Variants in CNTNAP2 observed in about 807,000 individuals in gnomAD.
The protein encoded by CNTNAP2 is contactin-associated protein-like 2.
In CNTNAP2, 98 loss-of-function variants were observed where a neutral mutation model predicts 155.2. The ratio of observed to expected loss-of-function variants is 0.63; its 90% CI spans 0.54 to 0.75. The LOEUF (loss-of-function observed/expected upper bound fraction) is 0.75. CNTNAP2 is among the 30% of genes least tolerant of loss of function. The pLI, the probability that CNTNAP2 is intolerant of heterozygous loss-of-function variation, is 0.00. For missense variants in CNTNAP2, 1,727 were observed against 1,688.1 expected (o/e 1.02, Z -0.40); for synonymous variants, 651 against 631.2 (o/e 1.03, Z -0.47).
Position 148,106,054 on chromosome 7 carries a change from C to T in CNTNAP2, c.2384-12064C>T, listed in dbSNP as rs184080323. On this transcript the variant is annotated intron_variant, in intron 15 of 23. Transcript: ENST00000361727. Reference sequence around the variant, plus strand: ...TGGAGAGGAGGAGACACAGCACAGACTATTTAGAAGGTGTGGCTATCAGGC... The same window carrying T: ...TGGAGAGGAGGAGACACAGCACAGATTATTTAGAAGGTGTGGCTATCAGGC... 3.0e-4 allele frequency among the ~76,000 whole-genome samples: 46 copies of T among 152,304 alleles called. 2 individuals are homozygous for T. The Middle Eastern group carries it at 0.01, about 34-fold the overall frequency.
chr7:147,916,813 GTTTA>G (rs1187782878), intron 14 of CNTNAP2, among the ~76,000 whole-genome samples: 3 of 152,082 alleles, frequency 2.0e-5, no homozygotes, highest in Non-Finnish European at 4.4e-5. Context: ...GGACCTATCT[GTTTA>G]TTTATTCTGT....
Position 147,355,494 on chromosome 7 carries a change from A to C in CNTNAP2, c.1499-40115A>C, listed in dbSNP as rs1473014649. The stretch of plus-strand genomic sequence containing the variant: ...CAAAAAACCTTTCAAAAAAGCACGG[A>C]ATCTAGGAGCTGTATTTTTGAAAAG... On this transcript the variant is annotated intron_variant, in intron 9 of 23. Coordinates refer to ENST00000361727, the MANE Select transcript of CNTNAP2 (RefSeq NM_014141.6). Among the ~76,000 whole-genome samples, 6 of 152,290 alleles carry C rather than the reference A, an allele frequency of 3.9e-5. No individual in the cohort carries two copies. The East Asian group carries it at 1.2e-3, about 29-fold the overall frequency.
intron 1 of CNTNAP2, among the ~76,000 whole-genome samples, chr7:146,710,575 T>A (rs1313924985): frequency 6.6e-6 from 1 of 152,154 alleles, no homozygotes; most frequent in Non-Finnish European, 1.5e-5. Flanking sequence ...AATGAAGGGA[T>A]AGGCAGTAGA....
At chr7:147,998,853 G>A (rs1057002782) in intron 15 of CNTNAP2, among the ~76,000 whole-genome samples, 12 of 152,080 alleles carry the variant, frequency 7.9e-5, no homozygotes, top group African/African-American at 2.9e-4. Context: ...GAAATAGGAG[G>A]GGTGAGTGGG....
intron 12 of CNTNAP2, among the ~76,000 whole-genome samples, chr7:147,629,195 A>G (rs1300864444): frequency 6.6e-6 from 1 of 152,082 alleles, no homozygotes; most frequent in Non-Finnish European, 1.5e-5. Flanking sequence ...TGAGGTTAGG[A>G]GTTCAAGAAC....
At chr7:146,169,573 T>C (rs1798359574) in intron 1 of CNTNAP2, among the ~76,000 whole-genome samples, 1 of 152,120 alleles carries the variant, frequency 6.6e-6, no homozygotes, top group Non-Finnish European at 1.5e-5. Flanking sequence ...ATAGGCACCA[T>C]GTTGTACATT....
intron 2 of CNTNAP2, among the ~76,000 whole-genome samples, chr7:146,801,944 T>C (rs1802886317): frequency 6.6e-6 from 1 of 152,200 alleles, no homozygotes; most frequent in South Asian, 2.1e-4. Flanking sequence ...TCAGTGACCA[T>C]GCTGGAAGGA....
At chr7:146,905,965 G>A (rs1053237472) in intron 3 of CNTNAP2, among the ~76,000 whole-genome samples, 4 of 152,250 alleles carry the variant, frequency 2.6e-5, no homozygotes, top group African/African-American at 4.8e-5. Context: ...GCGAGCCGAA[G>A]CAGGGCGAGG....
At chr7:147,070,313 C>T (rs1454920127) in intron 4 of CNTNAP2, among the ~76,000 whole-genome samples, 1 of 152,182 alleles carries the variant, frequency 6.6e-6, no homozygotes, top group Non-Finnish European at 1.5e-5. Context: ...TATAAATAGA[C>T]ATAAATGCAG....
At chr7:148,084,853 AT>A (rs1803691045) in intron 15 of CNTNAP2, among the ~76,000 whole-genome samples, 1 of 152,218 alleles carries the variant, frequency 6.6e-6, no homozygotes, top group African/African-American at 2.4e-5. Context: ...ATTCAAGGCA[AT>A]TTGGCTGGTT....
At chr7:147,202,761 C>G (rs944245639) in intron 8 of CNTNAP2, among the ~76,000 whole-genome samples, 3 of 151,838 alleles carry the variant, frequency 2.0e-5, no homozygotes, top group Non-Finnish European at 4.4e-5. Context: ...AACACATGGA[C>G]ACAGGGCAGG....
rs532256806 is a variant in CNTNAP2 at position 147,264,917 on chromosome 7, A to T, written c.1349-35224A>T. Among the ~76,000 whole-genome samples, 3 of 152,230 alleles carry T rather than the reference A, an allele frequency of 2.0e-5. No homozygotes were observed. The South Asian group carries it at 6.2e-4, about 32-fold the overall frequency. ...AGGTCAAGCTGCATTTTCCAGACAG[A>T]GGTTTCAAATCCTACATGAGGAGGA... is the stretch of plus-strand genomic sequence containing the variant. On this transcript the variant is annotated intron_variant, in intron 8 of 23. Coordinates refer to ENST00000361727, the MANE Select transcript of CNTNAP2 (RefSeq NM_014141.6).
intron 1 of CNTNAP2, among the ~76,000 whole-genome samples, chr7:146,418,404 G>A (rs139391623): frequency 6.6e-6 from 1 of 152,096 alleles, no homozygotes; most frequent in East Asian, 1.9e-4. Flanking sequence ...AAATAGAAAA[G>A]GTAGAAAAAT....
rs536949348 is a variant in CNTNAP2, at chr7:146,654,075, G to A, written c.98-120196G>A. 1.2e-4 allele frequency among the ~76,000 whole-genome samples: 18 copies of A among 152,102 alleles called. 2 individuals are homozygous for A. In the South Asian group the frequency reaches 2.9e-3, roughly 25 times the overall value. ...ACTGGGCTTGGTTTGTAAAGCTGAGGCCCAGGAGAAGCTCTTTTTCTTACC... is the reference window on the plus strand; with the variant it reads ...ACTGGGCTTGGTTTGTAAAGCTGAGACCCAGGAGAAGCTCTTTTTCTTACC... On this transcript the variant is annotated intron_variant, in intron 1 of 23. Transcript: ENST00000361727.
chr7:147,117,021 T>C (rs561639036), intron 5 of CNTNAP2, among the ~76,000 whole-genome samples: 16 of 152,252 alleles, frequency 1.1e-4, no homozygotes, highest in African/African-American at 3.6e-4. Context: ...CTGATGACAG[T>C]GGCTGGCTGA....
intron 3 of CNTNAP2, among the ~76,000 whole-genome samples, chr7:146,916,927 C>T (rs1458625742): frequency 6.6e-6 from 1 of 152,114 alleles, no homozygotes; most frequent in Non-Finnish European, 1.5e-5. Context: ...CTATTTGTGT[C>T]TTTCAGACTT....
At chr7:147,904,788 G>A (rs1032852570) in intron 14 of CNTNAP2, among the ~76,000 whole-genome samples, 2 of 152,266 alleles carry the variant, frequency 1.3e-5, no homozygotes, top group Non-Finnish European at 2.9e-5. Context: ...TAGAATGTGT[G>A]TGTATATGTG....
chr7:147,024,847 C>T (rs77709317), intron 3 of CNTNAP2, among the ~76,000 whole-genome samples: 8,631 of 152,108 alleles, frequency 0.057, 331 homozygotes, highest in Middle Eastern at 0.13. Flanking sequence ...TCAATCATGG[C>T]GGAAGGTGAA....
chr7:146,141,882 G>C (rs1430832203), intron 1 of CNTNAP2, among the ~76,000 whole-genome samples: 3 of 151,996 alleles, frequency 2.0e-5, no homozygotes, highest in African/African-American at 7.2e-5. Flanking sequence ...CATTATTAAA[G>C]ACTCATAGCC....
Sources: gnomAD v4.1 joint callset for allele counts (sites outside exome capture counted in the v4.1 genomes callset) on GRCh38, gnomAD v4.1.1 for gene constraint, MANE v1.5 for transcripts, NCBI Gene and HGNC (gene_info 2026-07-23, HGNC 2026-07-21) for gene names.